The following PAX7 variants were observed in gnomAD, a reference collection of about 807,000 sequenced individuals.
PAX7 encodes the protein paired box 7.
PAX7 carries 18 observed loss-of-function variants against 50.7 expected under a neutral mutation model. The observed-to-expected ratio is 0.36, with a 90% CI of 0.25 to 0.53. The LOEUF is 0.53. Among genes scored for constraint, PAX7 ranks in the 20% least tolerant of loss-of-function variants. PAX7 has a pLI of 0.93. For synonymous variants in PAX7, 310 were observed against 290.4 expected (o/e 1.07, Z -0.69); for missense variants, 644 against 702.9 (o/e 0.92, Z 0.95).
chr1:18,666,545 G>A (rs1379773901), intron 4 of PAX7, among the ~76,000 whole-genome samples: 6 of 152,204 alleles, frequency 3.9e-5, no homozygotes, highest in South Asian at 4.1e-4. Context: ...AAGGGCCTGC[G>A]GTCAGCTTTG....
intron 5 of PAX7, among the ~76,000 whole-genome samples, chr1:18,697,268 G>T (rs2089161984): frequency 1.3e-5 from 2 of 152,192 alleles, no homozygotes; most frequent in Non-Finnish European, 2.9e-5. Flanking sequence ...TGCTTTCAAA[G>T]AACTCAGTCC....
Position 18,631,452 on chromosome 1 carries a change from G to T in PAX7, c.-152G>T. On this transcript the variant is annotated 5_prime_UTR_variant, in exon 1 of 9. Transcript: ENST00000420770. ...GTTTGACTGCAGCCAGGGGTGGGGG[G>T]TGGGGGTAGGGAGTGTGTGTGGAGG... 3 of 658,192 alleles carry T rather than the reference G, an allele frequency of 4.6e-6. No homozygotes were observed. Among genetic ancestry groups the T allele is most frequent in the South Asian group, 3.7e-5 (2 of 53,558 alleles). 40.8% of individuals were successfully genotyped at this position (658,192 alleles called of 1,614,324 possible). A position where few individuals can be genotyped will look rare whatever the true frequency, so the allele number is the denominator to read the frequency against.
At chr1:18,722,665 C>T (rs1217584633) in intron 7 of PAX7, among the ~76,000 whole-genome samples, 2 of 152,144 alleles carry the variant, frequency 1.3e-5, no homozygotes, top group Non-Finnish European at 2.9e-5. Flanking sequence ...AGGGCTGTCT[C>T]TGTTCCTTCT....
chr1:18,656,703 G>A (rs1044107270), intron 4 of PAX7, among the ~76,000 whole-genome samples: 11 of 151,534 alleles, frequency 7.3e-5, no homozygotes, highest in Non-Finnish European at 1.0e-4. Flanking sequence ...AAAAAAGGGG[G>A]GGATAATGAG....
chr1:18,699,524 C>T (rs184163859), intron 5 of PAX7, among the ~76,000 whole-genome samples: 1 of 151,812 alleles, frequency 6.6e-6, no homozygotes, highest in African/African-American at 2.4e-5. Context: ...TCCCAGGAAA[C>T]TTGCAAATCC....
At chr1:18,645,703 A>C (rs1382657229) in intron 4 of PAX7, among the ~76,000 whole-genome samples, 1 of 152,090 alleles carries the variant, frequency 6.6e-6, no homozygotes, top group Admixed American at 6.5e-5. Context: ...GGAGATTGTG[A>C]GTCTGGATCA....
At chr1:18,641,071 A>G (rs941658731) in intron 4 of PAX7, among the ~76,000 whole-genome samples, 5 of 152,250 alleles carry the variant, frequency 3.3e-5, no homozygotes, top group Non-Finnish European at 7.3e-5. Flanking sequence ...AAAGGCAAAC[A>G]CTGGCGCTCG....
intron 4 of PAX7, among the ~76,000 whole-genome samples, chr1:18,671,804 T>TAAA (rs112404710): frequency 1.5e-5 from 2 of 135,458 alleles, no homozygotes; most frequent in African/African-American, 5.4e-5. Flanking sequence ...CCTAACTCTA[T>TAAA]AAAAAAAAAA....
intron 4 of PAX7, among the ~76,000 whole-genome samples, chr1:18,658,650 T>C (rs1009909271): frequency 5.3e-5 from 8 of 152,200 alleles, no homozygotes; most frequent in African/African-American, 1.9e-4. Flanking sequence ...CAAAAGCAAA[T>C]CTTAGCCCCA....
At position 18,708,689 on chromosome 1, in the gene PAX7, G is replaced by A. The variant is rs58524495; in HGVS notation, c.1155+5393G>A. Among the ~76,000 whole-genome samples, 342 of 152,168 alleles carry A rather than the reference G, an allele frequency of 2.2e-3. 8 individuals carry two copies. In the East Asian group the frequency reaches 0.031, roughly 14 times the overall value. ...AGCCCCTGTCTAGGAATCCCAAGCA[G>A]GCCAGGCTCTTAGGAGTAGTGACCA... On this transcript the variant is annotated intron_variant, in intron 7 of 8. Coordinates refer to ENST00000420770, the MANE Select transcript of PAX7 (RefSeq NM_001135254.2).
chr1:18,712,583 A>T (rs1290143155), intron 7 of PAX7, among the ~76,000 whole-genome samples: 1 of 152,182 alleles, frequency 6.6e-6, no homozygotes, highest in African/African-American at 2.4e-5. Flanking sequence ...GCCTATGAGT[A>T]GGCTCTGCTA....
At chr1:18,725,724 G>C (rs1393239728) in intron 7 of PAX7, among the ~76,000 whole-genome samples, 1 of 152,204 alleles carries the variant, frequency 6.6e-6, no homozygotes, top group Non-Finnish European at 1.5e-5. Context: ...GCTCCGAGCA[G>C]AGTCACTCTA....
intron 5 of PAX7, among the ~76,000 whole-genome samples, chr1:18,694,183 C>T (rs118065280): frequency 0.02 from 3,025 of 152,262 alleles, 108 homozygotes; most frequent in Admixed American, 0.096. Flanking sequence ...AATAAACGGA[C>T]TGGTGCGGTG....
chr1:18,687,030 A>G (rs943360198), intron 4 of PAX7, among the ~76,000 whole-genome samples: 1 of 151,872 alleles, frequency 6.6e-6, no homozygotes, highest in Non-Finnish European at 1.5e-5. Context: ...AGCTGGGATT[A>G]CAGGCGCATA....
rs559858561 is a variant in PAX7, at chr1:18,747,712, C to T, written c.*2783C>T. 8.9e-4 allele frequency: 180 copies of T among 202,984 alleles called. 1 individual carries two copies. The highest frequency in any genetic ancestry group is 2.1e-3 in the Admixed American group (35 of 16,674). 12.6% of individuals were successfully genotyped at this position (202,984 alleles called of 1,614,324 possible). A position where few individuals can be genotyped will look rare whatever the true frequency, so the allele number is the denominator to read the frequency against. Reference sequence around the variant, plus strand: ...CAACTTATCACAAGTCGCCGTTGGTCCTCTCTAAGGAGGGCTCTCTTCTGA... The same window carrying T: ...CAACTTATCACAAGTCGCCGTTGGTTCTCTCTAAGGAGGGCTCTCTTCTGA... On this transcript the variant is annotated 3_prime_UTR_variant, in exon 9 of 9. Transcript: ENST00000420770.
rs142209672 is a variant in PAX7 at position 18,682,800 on chromosome 1, C to T, written c.587-8954C>T. On this transcript the variant is annotated intron_variant, in intron 4 of 8. Transcript: ENST00000420770. ...GGGAAGGGGAGAGAGGAGGTGCTGC[C>T]GGGCTGTGGGGGCGGGGTAGGCAGG... Among the ~76,000 whole-genome samples the T allele has an allele frequency of 2.8e-3, 421 of 152,244 alleles. 6 individuals are homozygous for T. The highest frequency in any genetic ancestry group is 0.017 in the Admixed American group (257 of 15,294).
intron 7 of PAX7, among the ~76,000 whole-genome samples, chr1:18,720,535 A>G (rs549839839): frequency 6.6e-6 from 1 of 152,176 alleles, no homozygotes; most frequent in East Asian, 1.9e-4. Flanking sequence ...AGACAGACAG[A>G]CAGACCCAGA....
At chr1:18,732,027 C>G (rs1286435816) in intron 7 of PAX7, among the ~76,000 whole-genome samples, 1 of 152,164 alleles carries the variant, frequency 6.6e-6, no homozygotes, top group Non-Finnish European at 1.5e-5. Context: ...CCCCTCAGCC[C>G]CAGGGACCTC....
chr1:18,737,746 A>C (rs1388519944), intron 8 of PAX7, among the ~76,000 whole-genome samples: 2 of 152,256 alleles, frequency 1.3e-5, no homozygotes, highest in Non-Finnish European at 2.9e-5. Context: ...ATGTAAGTAT[A>C]TGTATCTGCT....
Sources: allele counts gnomAD v4.1 joint callset (sites outside exome capture counted in the v4.1 genomes callset), GRCh38; gene constraint gnomAD v4.1.1; transcripts MANE v1.5; gene names NCBI Gene and HGNC (gene_info 2026-07-23, HGNC 2026-07-21).